Variants in DLGAP1 observed in about 807,000 individuals in gnomAD.
DLGAP1 encodes the protein disks large-associated protein 1.
In DLGAP1, 11 loss-of-function variants were observed where a neutral mutation model predicts 90.8. The ratio of observed to expected loss-of-function variants is 0.12; its 90% CI spans 0.08 to 0.20. DLGAP1 has a LOEUF of 0.20. Ranked by LOEUF, DLGAP1 falls within the 10% of genes least tolerant of loss-of-function variation. The pLI is 1.00. For missense variants in DLGAP1, 1,050 were observed against 1,333.8 expected (o/e 0.79, Z 3.31); for synonymous variants, 558 against 540.7 (o/e 1.03, Z -0.44).
intron 9 of DLGAP1, among the ~76,000 whole-genome samples, chr18:3,557,136 G>T (rs915430795): frequency 1.3e-5 from 2 of 152,074 alleles, no homozygotes; most frequent in East Asian, 1.9e-4. Context: ...TTAAATAATT[G>T]ATGTGAAATT....
At chr18:3,523,085 T>C (rs1052601026) in intron 10 of DLGAP1, among the ~76,000 whole-genome samples, 1 of 151,674 alleles carries the variant, frequency 6.6e-6, no homozygotes, top group African/African-American at 2.4e-5. Context: ...CTCAGCAAAA[T>C]AAAAAGGCCA....
chr18:3,573,922 G>T (rs2054955484), intron 8 of DLGAP1, among the ~76,000 whole-genome samples: 1 of 152,098 alleles, frequency 6.6e-6, no homozygotes, highest in Non-Finnish European at 1.5e-5. Flanking sequence ...AGCTGGTCTT[G>T]AATTCCCTGG....
At chr18:4,036,415 A>AT (rs1004804005) in intron 2 of DLGAP1, among the ~76,000 whole-genome samples, 3 of 152,194 alleles carry the variant, frequency 2.0e-5, no homozygotes, top group African/African-American at 2.4e-5. Flanking sequence ...GTTAGAAAAG[A>AT]TTTTTTAACC....
At chr18:3,686,904 G>A (rs1303484123) in intron 7 of DLGAP1, among the ~76,000 whole-genome samples, 1 of 152,154 alleles carries the variant, frequency 6.6e-6, no homozygotes, top group Non-Finnish European at 1.5e-5. Flanking sequence ...AGGATCCTGA[G>A]GTGGTGAGAT....
In DLGAP1 at chr18:3,775,759, C is replaced by T. The variant is rs1462058308; in HGVS notation, c.1173-33247G>A. ...CCCCTACAACAGCTCAAAAAATTGT[C>T]ACAAAGTGAACATGCCCATGGAATC... On this transcript the variant is annotated intron_variant, in intron 5 of 12. Transcript: ENST00000315677. This position sits in a 1 kb window ranked among gnomAD's most constrained non-coding sequence, Gnocchi z 4.9. Among the ~76,000 whole-genome samples, 1 of 152,150 alleles carries T rather than the reference C, an allele frequency of 6.6e-6. No homozygotes were observed. The highest frequency in any genetic ancestry group is 1.9e-4 in the East Asian group (1 of 5,196).
chr18:4,086,148 G>T (rs551809775), intron 2 of DLGAP1, among the ~76,000 whole-genome samples: 2 of 152,256 alleles, frequency 1.3e-5, no homozygotes, highest in Non-Finnish European at 2.9e-5. Flanking sequence ...AACAGAGCAG[G>T]ATAAGCATGT....
At chr18:3,935,025 A>G (rs1268142538) in intron 3 of DLGAP1, among the ~76,000 whole-genome samples, 1 of 152,258 alleles carries the variant, frequency 6.6e-6, no homozygotes, top group Non-Finnish European at 1.5e-5. Context: ...TGGAACTGGA[A>G]CAAAATCATC....
chr18:4,139,564 T>A (rs2076462547), intron 2 of DLGAP1, among the ~76,000 whole-genome samples: 2 of 152,054 alleles, frequency 1.3e-5, no homozygotes, highest in Non-Finnish European at 1.5e-5. Flanking sequence ...ATGATCCATG[T>A]GCTGAGGAGG....
intron 2 of DLGAP1, among the ~76,000 whole-genome samples, chr18:4,068,953 TAGG>T (rs901292533): frequency 6.6e-5 from 10 of 152,138 alleles, no homozygotes; most frequent in African/African-American, 2.2e-4. Context: ...GTGGCAAGGC[TAGG>T]AGTTCTGGAG....
At chr18:4,148,783 TG>T (rs1259973249) in intron 2 of DLGAP1, among the ~76,000 whole-genome samples, 2 of 145,082 alleles carry the variant, frequency 1.4e-5, no homozygotes, top group East Asian at 4.1e-4. Context: ...TGTTTGTTGT[TG>T]TCTGTTTTAT....
intron 1 of DLGAP1, among the ~76,000 whole-genome samples, chr18:4,344,635 G>A (rs1215014171): frequency 6.6e-6 from 1 of 152,080 alleles, no homozygotes; most frequent in African/African-American, 2.4e-5. Flanking sequence ...GCTATTTACT[G>A]AACACACATT....
intron 3 of DLGAP1, among the ~76,000 whole-genome samples, chr18:3,967,352 A>G (rs1356379803): frequency 6.6e-6 from 1 of 152,208 alleles, no homozygotes; most frequent in Non-Finnish European, 1.5e-5. Context: ...CTTTGCAGAT[A>G]TTTGTCCTGG....
intron 5 of DLGAP1, among the ~76,000 whole-genome samples, chr18:3,745,371 T>G (rs185495237): frequency 6.6e-6 from 1 of 152,322 alleles, no homozygotes; most frequent in East Asian, 1.9e-4. Context: ...CACAAAACCG[T>G]TGTAAAAAAT....
At chr18:3,763,261 G>A (rs2064055824) in intron 5 of DLGAP1, among the ~76,000 whole-genome samples, 1 of 152,178 alleles carries the variant, frequency 6.6e-6, no homozygotes. Context: ...TGTGCTGGAT[G>A]CTTCCTACCC....
intron 3 of DLGAP1, among the ~76,000 whole-genome samples, chr18:3,923,326 A>G (rs1365409099): frequency 6.6e-6 from 1 of 152,022 alleles, no homozygotes; most frequent in African/African-American, 2.4e-5. Flanking sequence ...GTCTTGTTTT[A>G]ATTTTCACAT....
At chr18:3,716,678 TA>T (rs1320998546) in intron 7 of DLGAP1, among the ~76,000 whole-genome samples, 2 of 152,078 alleles carry the variant, frequency 1.3e-5, no homozygotes, top group African/African-American at 4.8e-5. Context: ...TTCCTTCTAG[TA>T]TTTTTTTTTT....
At chr18:3,902,653 C>G (rs559841860) in intron 3 of DLGAP1, among the ~76,000 whole-genome samples, 1 of 152,266 alleles carries the variant, frequency 6.6e-6, no homozygotes, top group African/African-American at 2.4e-5. Flanking sequence ...ATTAGCATGA[C>G]CTACTCATAA....
chr18:4,331,681 C>G (rs1046313011), intron 1 of DLGAP1, among the ~76,000 whole-genome samples: 1 of 151,788 alleles, frequency 6.6e-6, no homozygotes, highest in Non-Finnish European at 1.5e-5. Flanking sequence ...TCTGTAAGCC[C>G]ATTTCTCCTT....
intron 7 of DLGAP1, among the ~76,000 whole-genome samples, chr18:3,590,382 G>C (rs970587104): frequency 1.3e-5 from 2 of 152,076 alleles, no homozygotes; most frequent in African/African-American, 4.8e-5. Context: ...TTACACCATG[G>C]AAATCAGCAA....
Sources: allele counts gnomAD v4.1 joint callset (sites outside exome capture counted in the v4.1 genomes callset), GRCh38; gene constraint gnomAD v4.1.1; non-coding constraint Gnocchi (gnomAD v3.1); transcripts MANE v1.5; gene names NCBI Gene and HGNC (gene_info 2026-07-23, HGNC 2026-07-21).